Variants in PTGFRN observed in about 807,000 individuals in gnomAD.
The protein encoded by PTGFRN is prostaglandin F2 receptor negative regulator.
A neutral mutation model predicts 83.2 loss-of-function variants in PTGFRN; 35 were observed. The ratio of observed to expected loss-of-function variants is 0.42; its 90% CI spans 0.32 to 0.56. The LOEUF is 0.56. Ranked by LOEUF, PTGFRN falls within the 20% of genes least tolerant of loss-of-function variation. The probability of loss-of-function intolerance (pLI) is 0.11; values close to 1 mark genes in which losing one functional copy is unlikely to be tolerated. For synonymous variants in PTGFRN, 519 were observed against 498.6 expected (o/e 1.04, Z -0.55); for missense variants, 1,051 against 1,179.5 (o/e 0.89, Z 1.60).
chr1:116,947,449 C>T (rs1650229798), intron 3 of PTGFRN, among the ~76,000 whole-genome samples: 1 of 152,198 alleles, frequency 6.6e-6, no homozygotes, highest in South Asian at 2.1e-4. Flanking sequence ...TCCTGTCTCT[C>T]AGCAGTAAAC....
chr1:116,929,792 C>T (rs1293997473), intron 1 of PTGFRN, among the ~76,000 whole-genome samples: 1 of 152,164 alleles, frequency 6.6e-6, no homozygotes, highest in Non-Finnish European at 1.5e-5. Context: ...GTCCCCAGTG[C>T]CTAGAAGGTG....
In PTGFRN at chr1:116,927,995, A is replaced by G. The variant is rs1259155025; in HGVS notation, c.50-13720A>G. ...GATTTCCAGATATAAATGGCAGGAT[A>G]GATAACATTAGAGCCAGAACTGCCA... is the stretch of plus-strand genomic sequence containing the variant. On this transcript the variant is annotated intron_variant, in intron 1 of 8. Coordinates refer to ENST00000393203, the MANE Select transcript of PTGFRN (RefSeq NM_020440.4). Among the ~76,000 whole-genome samples, 6 of 152,230 alleles carry G rather than the reference A, an allele frequency of 3.9e-5. No individual in the cohort carries two copies. The East Asian group carries it at 7.7e-4, about 20-fold the overall frequency.
At chr1:116,939,524 G>T (rs1016559164) in intron 1 of PTGFRN, among the ~76,000 whole-genome samples, 1 of 152,192 alleles carries the variant, frequency 6.6e-6, no homozygotes, top group Non-Finnish European at 1.5e-5. Context: ...AGGGACCCTG[G>T]ACCTGGCCCA....
At chr1:116,943,492 C>T (rs1049421088) in intron 2 of PTGFRN, among the ~76,000 whole-genome samples, 3 of 152,154 alleles carry the variant, frequency 2.0e-5, no homozygotes, top group Non-Finnish European at 2.9e-5. Context: ...CAAGAGGAGG[C>T]CTTTCTTGGG....
At chr1:116,931,935 A>G (rs1649813374) in intron 1 of PTGFRN, among the ~76,000 whole-genome samples, 1 of 152,178 alleles carries the variant, frequency 6.6e-6, no homozygotes, top group African/African-American at 2.4e-5. Context: ...TAACCTCTTT[A>G]GTTTCAGCAT....
intron 6 of PTGFRN, among the ~76,000 whole-genome samples, chr1:116,973,677 C>T (rs1651066068): frequency 6.6e-6 from 1 of 151,732 alleles, no homozygotes. Context: ...TGAAGCTGTG[C>T]CTTGAGTGCT....
chr1:116,963,350 T>G (rs138918088), intron 5 of PTGFRN, among the ~76,000 whole-genome samples: 46 of 152,340 alleles, frequency 3.0e-4, no homozygotes, highest in African/African-American at 1.1e-3. Flanking sequence ...CTGCTTCCTA[T>G]TCTCCTAAAA....
chr1:116,943,397 G>C (rs1462150528), intron 2 of PTGFRN, among the ~76,000 whole-genome samples: 1 of 152,214 alleles, frequency 6.6e-6, no homozygotes, highest in East Asian at 1.9e-4. Flanking sequence ...GTGGGAGGGA[G>C]AGTAAGGGGA....
intron 5 of PTGFRN, among the ~76,000 whole-genome samples, chr1:116,966,231 C>A (rs1036816955): frequency 6.6e-5 from 10 of 152,212 alleles, no homozygotes; most frequent in Admixed American, 6.5e-4. Flanking sequence ...AAGGAGTAAT[C>A]CACTTAAACC....
At chr1:116,914,945 C>G (rs554539668) in intron 1 of PTGFRN, among the ~76,000 whole-genome samples, 1 of 152,182 alleles carries the variant, frequency 6.6e-6, no homozygotes, top group Non-Finnish European at 1.5e-5. Context: ...GCGTCAGGCT[C>G]TGACGTACAT....
intron 1 of PTGFRN, among the ~76,000 whole-genome samples, chr1:116,924,143 A>AT (rs147663868): frequency 0.017 from 2,005 of 116,094 alleles, 45 homozygotes; most frequent in Non-Finnish European, 0.022. Context: ...CTGTGCATGT[A>AT]TTTTTTTTTT....
chr1:116,931,944 A>G (rs1410325604), intron 1 of PTGFRN, among the ~76,000 whole-genome samples: 1 of 152,200 alleles, frequency 6.6e-6, no homozygotes, highest in Non-Finnish European at 1.5e-5. Context: ...TAGTTTCAGC[A>G]TTTCAACTCA....
intron 1 of PTGFRN, among the ~76,000 whole-genome samples, chr1:116,928,439 G>T (rs1361276035): frequency 6.6e-6 from 1 of 152,144 alleles, no homozygotes; most frequent in Non-Finnish European, 1.5e-5. Flanking sequence ...GACTCTGGTG[G>T]TCAGCATTTC....
chr1:116,978,843 A>G (rs1431501371), intron 7 of PTGFRN, among the ~76,000 whole-genome samples: 2 of 152,062 alleles, frequency 1.3e-5, no homozygotes, highest in African/African-American at 4.8e-5. Flanking sequence ...CACCACTCCT[A>G]TTCAACATAT....
Position 116,961,213 on chromosome 1 carries a change from C to T in PTGFRN, c.1214-30C>T, listed in dbSNP as rs1251941165. The T allele has an allele frequency of 1.3e-6, 2 of 1,494,510 alleles. No homozygotes were observed. The highest frequency in any genetic ancestry group is 2.3e-5 in the Admixed American group (1 of 43,030). 92.6% of individuals were successfully genotyped at this position (1,494,510 alleles called of 1,614,324 possible). Reference sequence around the variant, plus strand: ...CTTGCCATGTTACTCTAATTATTTTCCTATCCTGGCCTTTCTGTCTCTCGT... The same window carrying T: ...CTTGCCATGTTACTCTAATTATTTTTCTATCCTGGCCTTTCTGTCTCTCGT... On this transcript the variant is annotated intron_variant, in intron 4 of 8. Transcript: ENST00000393203. The surrounding 1 kb of genome is among the most constrained non-coding windows in gnomAD (Gnocchi z 5.4).
At chr1:116,924,143 ATTTTTTTTT>A (rs147663868) in intron 1 of PTGFRN, among the ~76,000 whole-genome samples, 1 of 116,130 alleles carries the variant, frequency 8.6e-6, no homozygotes, top group Admixed American at 8.8e-5. Flanking sequence ...CTGTGCATGT[ATTTTTTTTT>A]TTTTTTTTTT....
chr1:116,970,902 A>C (rs1215182340), intron 6 of PTGFRN, among the ~76,000 whole-genome samples: 1 of 152,222 alleles, frequency 6.6e-6, no homozygotes. Flanking sequence ...AAGGGGCCCT[A>C]CTGAGTGCTG....
At chr1:116,914,036 C>G (rs1487257372) in intron 1 of PTGFRN, among the ~76,000 whole-genome samples, 4 of 152,200 alleles carry the variant, frequency 2.6e-5, no homozygotes, top group African/African-American at 9.7e-5. Context: ...CTAACAAACT[C>G]AAAGCATAGT....
chr1:116,924,545 G>A (rs1649609768), intron 1 of PTGFRN, among the ~76,000 whole-genome samples: 1 of 152,174 alleles, frequency 6.6e-6, no homozygotes, highest in Non-Finnish European at 1.5e-5. Flanking sequence ...CCAAAGAAGA[G>A]TGTAAGTAAA....
Sources: allele counts gnomAD v4.1 joint callset (sites outside exome capture counted in the v4.1 genomes callset), GRCh38; gene constraint gnomAD v4.1.1; non-coding constraint Gnocchi (gnomAD v3.1); transcripts MANE v1.5; gene names NCBI Gene and HGNC (gene_info 2026-07-23, HGNC 2026-07-21).